The following TRABD2B variants were observed in gnomAD, a reference collection of about 807,000 sequenced individuals.
The protein encoded by TRABD2B is TraB domain containing 2B.
Under a neutral mutation model 40.1 loss-of-function variants are expected in TRABD2B, and 14 were observed. The ratio of observed to expected loss-of-function variants is 0.35; its 90% CI spans 0.23 to 0.55. The LOEUF (loss-of-function observed/expected upper bound fraction) is 0.55, where lower values mean the gene tolerates loss of function less well. Ranked by LOEUF, TRABD2B falls within the 20% of genes least tolerant of loss-of-function variation. TRABD2B has a pLI of 0.90. For synonymous variants in TRABD2B, 263 were observed against 277.0 expected (o/e 0.95, Z 0.50); for missense variants, 541 against 648.6 (o/e 0.83, Z 1.80).
chr1:47,878,675 G>A (rs1338383855), intron 2 of TRABD2B, among the ~76,000 whole-genome samples: 1 of 152,218 alleles, frequency 6.6e-6, no homozygotes, highest in African/African-American at 2.4e-5. Context: ...GAGAGGCAGG[G>A]GCCAGGAGAG....
At chr1:47,987,336 G>C (rs1645933696) in intron 2 of TRABD2B, among the ~76,000 whole-genome samples, 2 of 152,160 alleles carry the variant, frequency 1.3e-5, no homozygotes, top group African/African-American at 2.4e-5. Context: ...AGGATTTCAT[G>C]AAGTGAAGAT....
intron 2 of TRABD2B, among the ~76,000 whole-genome samples, chr1:47,871,232 T>C (rs550641529): frequency 4.4e-4 from 67 of 151,908 alleles, no homozygotes; most frequent in African/African-American, 1.6e-3. Flanking sequence ...GCTAGAGAGG[T>C]GGGCAGGAGC....
intron 2 of TRABD2B, among the ~76,000 whole-genome samples, chr1:47,952,260 G>A (rs1185944145): frequency 6.6e-6 from 1 of 152,122 alleles, no homozygotes; most frequent in East Asian, 1.9e-4. Context: ...CTTCCTACCT[G>A]TCCAAATGTG....
chr1:47,771,516 C>T lies in TRABD2B; in HGVS notation c.1349+3654G>A, dbSNP rs146585838. 3.3e-5 allele frequency among the ~76,000 whole-genome samples: 5 copies of T among 152,354 alleles called. No individual in the cohort carries two copies. The East Asian group carries it at 9.6e-4, about 29-fold the overall frequency. The stretch of plus-strand genomic sequence containing the variant: ...CCCTGTTTATGAAACTCCCCTTCCT[C>T]TCCCATGTCAGCTGTGGACTTGGAG... On this transcript the variant is annotated intron_variant, in intron 6 of 6. Coordinates refer to ENST00000606738, the MANE Select transcript of TRABD2B (RefSeq NM_001194986.2).
At chr1:47,899,984 C>G (rs1413317258) in intron 2 of TRABD2B, among the ~76,000 whole-genome samples, 1 of 152,176 alleles carries the variant, frequency 6.6e-6, no homozygotes, top group Non-Finnish European at 1.5e-5. Context: ...AAGGCCCAGC[C>G]AGCTATTTCA....
chr1:47,771,855 G>A (rs1644381553), intron 6 of TRABD2B, among the ~76,000 whole-genome samples: 1 of 152,188 alleles, frequency 6.6e-6, no homozygotes, highest in African/African-American at 2.4e-5. Context: ...CTCCGGTAAT[G>A]AGGGGCAAGG....
At chr1:47,831,143 G>A (rs914568208) in intron 2 of TRABD2B, among the ~76,000 whole-genome samples, 4 of 152,242 alleles carry the variant, frequency 2.6e-5, no homozygotes, top group Admixed American at 2.6e-4. Flanking sequence ...TGGCTGGGGG[G>A]TGCCTATGCT....
rs1426615996 is a variant in TRABD2B at position 47,997,132 on chromosome 1, C to A, written c.-343G>T. The stretch of plus-strand genomic sequence containing the variant: ...CCAGGGGCGCGCGGGGTTCCTGGGG[C>A]AGAACCGAGAACCCGGGGTGCGCAA... On this transcript the variant is annotated 5_prime_UTR_variant, in exon 1 of 7. Coordinates refer to ENST00000606738, the MANE Select transcript of TRABD2B (RefSeq NM_001194986.2). The A allele has an allele frequency of 1.0e-6, 1 of 983,460 alleles. No homozygotes were observed. Among genetic ancestry groups the A allele is most frequent in the Non-Finnish European group, 1.2e-6 (1 of 828,960 alleles). The allele number at this position is 983,460 out of a possible 1,614,324, so 60.9% of individuals were successfully genotyped here.
intron 2 of TRABD2B, among the ~76,000 whole-genome samples, chr1:47,838,441 A>G (rs760640711): frequency 7.9e-5 from 12 of 152,162 alleles, no homozygotes; most frequent in African/African-American, 2.9e-4. Context: ...GCTGCAGCTC[A>G]TGTCTGAGGT....
chr1:47,767,144 C>G (rs1045823885), intron 6 of TRABD2B, among the ~76,000 whole-genome samples: 1 of 152,192 alleles, frequency 6.6e-6, no homozygotes, highest in Non-Finnish European at 1.5e-5. Flanking sequence ...AGGAGGCTGA[C>G]AGGAGACCTG....
At chr1:47,893,256 A>G (rs1476321096) in intron 2 of TRABD2B, among the ~76,000 whole-genome samples, 1 of 152,202 alleles carries the variant, frequency 6.6e-6, no homozygotes, top group African/African-American at 2.4e-5. Context: ...AAACAAAAAC[A>G]AAAACTGATT....
chr1:47,881,767 C>T (rs1644306902), intron 2 of TRABD2B, among the ~76,000 whole-genome samples: 1 of 152,184 alleles, frequency 6.6e-6, no homozygotes, highest in Non-Finnish European at 1.5e-5. Context: ...ACTATGTGCT[C>T]ATAGACACCA....
At chr1:47,955,383 C>T (rs1438703639) in intron 2 of TRABD2B, among the ~76,000 whole-genome samples, 2 of 152,180 alleles carry the variant, frequency 1.3e-5, no homozygotes, top group African/African-American at 2.4e-5. Context: ...ACAGACTCCA[C>T]GTCACCATCT....
At chr1:47,984,408 C>T (rs1431634096) in intron 2 of TRABD2B, among the ~76,000 whole-genome samples, 2 of 152,230 alleles carry the variant, frequency 1.3e-5, no homozygotes, top group South Asian at 2.1e-4. Context: ...GAGGCCAGGC[C>T]AGAGAGGCGG....
chr1:47,900,402 G>A (rs951235937), intron 2 of TRABD2B, among the ~76,000 whole-genome samples: 26 of 152,276 alleles, frequency 1.7e-4, no homozygotes, highest in African/African-American at 6.0e-4. Flanking sequence ...GGTACTTAGT[G>A]CCTGTTATTT....
intron 2 of TRABD2B, among the ~76,000 whole-genome samples, chr1:47,979,463 G>C (rs11577474): frequency 0.025 from 3,734 of 152,250 alleles, 115 homozygotes; most frequent in Admixed American, 0.088. Flanking sequence ...AGCAGCAGGG[G>C]TATGGTTTAT....
intron 2 of TRABD2B, among the ~76,000 whole-genome samples, chr1:47,846,894 A>ACACACG (rs1439715341): frequency 5.9e-4 from 86 of 145,704 alleles, no homozygotes; most frequent in East Asian, 4.1e-3. Context: ...ACACACACAC[A>ACACACG]CAAATGAGGG....
chr1:47,821,375 T>C (rs1645106727), intron 2 of TRABD2B, among the ~76,000 whole-genome samples: 1 of 152,144 alleles, frequency 6.6e-6, no homozygotes, highest in Non-Finnish European at 1.5e-5. Context: ...TCTGAAAAAA[T>C]GGATATAAGA....
At chr1:47,861,967 A>G (rs1198547122) in intron 2 of TRABD2B, among the ~76,000 whole-genome samples, 2 of 152,234 alleles carry the variant, frequency 1.3e-5, no homozygotes, top group African/African-American at 4.8e-5. Context: ...ATATTAAAAA[A>G]TCAATTAACA....
Sources: allele counts gnomAD v4.1 joint callset (sites outside exome capture counted in the v4.1 genomes callset), GRCh38; gene constraint gnomAD v4.1.1; transcripts MANE v1.5; gene names NCBI Gene and HGNC (gene_info 2026-07-23, HGNC 2026-07-21).